FGF12: variants seen among roughly 807,000 people sequenced by gnomAD.
The protein encoded by FGF12 is fibroblast growth factor 12.
FGF12 carries 14 observed loss-of-function variants against 23.6 expected under a neutral mutation model. The observed-to-expected ratio is 0.59, with a 90% CI of 0.39 to 0.93. FGF12 has a LOEUF of 0.93. Ranked by LOEUF, FGF12 falls within the 40% of genes least tolerant of loss-of-function variation. FGF12 has a pLI of 0.00. For synonymous variants in FGF12, 62 were observed against 77.3 expected, an observed-to-expected ratio of 0.80 and a Z score of 1.04; for missense variants, 175 against 217.8, an observed-to-expected ratio of 0.80 and a Z score of 1.24.
intron 2 of FGF12, among the ~76,000 whole-genome samples, chr3:192,598,714 G>A (rs1713969002): frequency 6.6e-6 from 1 of 152,200 alleles, no homozygotes; most frequent in Non-Finnish European, 1.5e-5. Flanking sequence ...AATAGTAGAT[G>A]TGTAATTATT....
At chr3:192,216,441 A>T (rs78388578) in intron 4 of FGF12, among the ~76,000 whole-genome samples, 420 of 152,334 alleles carry the variant, frequency 2.8e-3, no homozygotes, top group African/African-American at 1.0e-2. Context: ...TCTTGCATGG[A>T]AAGTAAATGA....
chr3:192,514,364 G>A lies in FGF12; in HGVS notation c.14-153826C>T, dbSNP rs1232952668. Among the ~76,000 whole-genome samples the A allele has an allele frequency of 6.6e-6, 1 of 152,248 alleles. No homozygotes were observed. Among genetic ancestry groups the A allele is most frequent in the Non-Finnish European group, 1.5e-5 (1 of 68,046 alleles). On this transcript the variant is annotated intron_variant, in intron 2 of 5. Transcript: ENST00000445105. This position sits in a 1 kb window ranked among gnomAD's most constrained non-coding sequence, Gnocchi z 4.9. ...CAAATCGCAGAGAGGGCCGCGAGAA[G>A]GTGCGAACGCAGGTCACGGCCAGCG...
Position 192,408,660 on chromosome 3 carries a change from T to C in FGF12, c.14-48122A>G. On this transcript the variant is annotated intron_variant, in intron 2 of 5. Coordinates refer to ENST00000445105, the MANE Select transcript of FGF12 (RefSeq NM_004113.6). The surrounding 1 kb of genome is among the most constrained non-coding windows in gnomAD (Gnocchi z 7.3). ...GGAGAGGCGCAAGCGTTGTAAGGTG[T>C]CCAAAGTATACCTACACATACATAC... is the stretch of plus-strand genomic sequence containing the variant. 2.0e-6 allele frequency: 2 copies of C among 1,018,540 alleles called. No homozygotes were observed. The highest frequency in any genetic ancestry group is 1.2e-6 in the Non-Finnish European group (1 of 850,674). 63.1% of individuals were successfully genotyped at this position (1,018,540 alleles called of 1,614,324 possible).
intron 4 of FGF12, among the ~76,000 whole-genome samples, chr3:192,330,162 A>G (rs1244695487): frequency 1.3e-5 from 2 of 152,170 alleles, no homozygotes; most frequent in African/African-American, 4.8e-5. Context: ...GAGACAATCT[A>G]CATATTCAAT....
In FGF12 at chr3:192,596,117, T is replaced by TATAATATAAC. The variant is rs1553836841; in HGVS notation, c.13+131063_13+131064insGTTATATTAT. On this transcript the variant is annotated intron_variant, in intron 2 of 5. Transcript: ENST00000445105. Reference sequence around the variant, plus strand: ...AAAAATATAATATAATATAATATAATATAATATAATATAATATAATATAAT... The same window carrying TATAATATAAC: ...AAAAATATAATATAATATAATATAATATAATATAACATAATATAATATAATATAATATAAT... Among the ~76,000 whole-genome samples, 9 of 143,070 alleles carry TATAATATAAC rather than the reference T, an allele frequency of 6.3e-5. No individual in the cohort carries two copies. In the East Asian group the frequency reaches 8.1e-4, roughly 13 times the overall value. 93.9% of individuals were successfully genotyped at this position (143,070 alleles called of 152,430 possible). A position where few individuals can be genotyped will look rare whatever the true frequency, so the allele number is the denominator to read the frequency against.
chr3:192,598,749 G>C (rs1713969991), intron 2 of FGF12, among the ~76,000 whole-genome samples: 1 of 152,126 alleles, frequency 6.6e-6, no homozygotes, highest in Non-Finnish European at 1.5e-5. Context: ...TAAATATCAA[G>C]GCACTTAGAT....
chr3:192,472,805 A>T (rs1000738223), intron 2 of FGF12, among the ~76,000 whole-genome samples: 7 of 152,152 alleles, frequency 4.6e-5, no homozygotes, highest in African/African-American at 1.7e-4. Context: ...CAGGGGTGTT[A>T]AAGACAAAAA....
chr3:192,200,495 T>C (rs1291613144), intron 4 of FGF12, among the ~76,000 whole-genome samples: 1 of 150,522 alleles, frequency 6.6e-6, no homozygotes, highest in Non-Finnish European at 1.5e-5. Context: ...TAACATGTAA[T>C]ACATTAAGAA....
intron 2 of FGF12, among the ~76,000 whole-genome samples, chr3:192,423,314 C>A (rs547360222): frequency 2.0e-5 from 3 of 152,200 alleles, no homozygotes; most frequent in African/African-American, 7.2e-5. Flanking sequence ...AAAATACCAA[C>A]CTCTGATTTT....
chr3:192,246,407 T>C (rs1386504320), intron 4 of FGF12, among the ~76,000 whole-genome samples: 2 of 152,184 alleles, frequency 1.3e-5, no homozygotes, highest in Non-Finnish European at 2.9e-5. Flanking sequence ...AGTCTTAAGA[T>C]GTTGTAGATA....
intron 2 of FGF12, among the ~76,000 whole-genome samples, chr3:192,582,276 T>C (rs991579408): frequency 2.6e-5 from 4 of 152,372 alleles, no homozygotes; most frequent in South Asian, 2.1e-4. Context: ...AAAAAATTTA[T>C]GTTTTATTTC....
intron 2 of FGF12, among the ~76,000 whole-genome samples, chr3:192,573,721 C>T (rs568914383): frequency 6.6e-6 from 1 of 152,152 alleles, no homozygotes; most frequent in East Asian, 1.9e-4. Flanking sequence ...TTTTACGATA[C>T]TTATTAGAAA....
At chr3:192,647,250 C>A (rs1035143014) in intron 2 of FGF12, among the ~76,000 whole-genome samples, 2 of 152,010 alleles carry the variant, frequency 1.3e-5, no homozygotes, top group South Asian at 4.1e-4. Context: ...TAAGATTGAT[C>A]AAAAATGAGG....
At chr3:192,150,555 C>A (rs1379016834) in intron 5 of FGF12, among the ~76,000 whole-genome samples, 1 of 145,750 alleles carries the variant, frequency 6.9e-6, no homozygotes, top group Non-Finnish European at 1.5e-5. Flanking sequence ...TTTCCCAGCA[C>A]CATTTATTAA....
chr3:192,255,831 G>T (rs565889916), intron 4 of FGF12, among the ~76,000 whole-genome samples: 3 of 152,098 alleles, frequency 2.0e-5, no homozygotes, highest in African/African-American at 7.2e-5. Flanking sequence ...TTAAGTCTAT[G>T]GAACATCTCC....
chr3:192,195,955 C>CAG (rs1165648549), intron 4 of FGF12, among the ~76,000 whole-genome samples: 1 of 152,192 alleles, frequency 6.6e-6, no homozygotes, highest in East Asian at 1.9e-4. Context: ...ATCTCTTGAA[C>CAG]TTAACTCCTC....
chr3:192,300,679 T>G (rs1023547167), intron 4 of FGF12, among the ~76,000 whole-genome samples: 1 of 152,132 alleles, frequency 6.6e-6, no homozygotes, highest in African/African-American at 2.4e-5. Flanking sequence ...ATCCCTAGAC[T>G]TCACAAGACT....
intron 4 of FGF12, among the ~76,000 whole-genome samples, chr3:192,311,959 A>ATCTATCTATCTG (rs1313781988): frequency 6.6e-6 from 1 of 151,596 alleles, no homozygotes. Flanking sequence ...CTATCTATCT[A>ATCTATCTATCTG]TCTATCTATC....
intron 2 of FGF12, among the ~76,000 whole-genome samples, chr3:192,474,989 C>T (rs1436408557): frequency 6.6e-6 from 1 of 151,970 alleles, no homozygotes; most frequent in Admixed American, 6.6e-5. Context: ...AGTCTTTTGC[C>T]TAGTTCTTGA....
Sources: allele counts gnomAD v4.1 joint callset (sites outside exome capture counted in the v4.1 genomes callset), GRCh38; gene constraint gnomAD v4.1.1; non-coding constraint Gnocchi (gnomAD v3.1); transcripts MANE v1.5; gene names NCBI Gene and HGNC (gene_info 2026-07-23, HGNC 2026-07-21).